Variants in ZNF718 observed in about 807,000 individuals in gnomAD.
ZNF718 encodes zinc finger protein 718.
ZNF718 carries 3 observed loss-of-function variants against 2.6 expected under a neutral mutation model. The ratio of observed to expected loss-of-function variants is 1.16; its 90% CI spans 0.53 to 3.01. The LOEUF is 3.01. Among genes scored for constraint, ZNF718 ranks in the 30% most tolerant of loss-of-function variants. ZNF718 has a pLI of 0.03. For synonymous variants in ZNF718, 135 were observed against 77.9 expected (o/e 1.73, Z -3.86); for missense variants, 468 against 230.0 (o/e 2.03, Z -6.69).
chr4:141,256 T>A (rs1362184137), intron 3 of ZNF718, among the ~76,000 whole-genome samples: 1 of 152,224 alleles, frequency 6.6e-6, no homozygotes, highest in African/African-American at 2.4e-5. Context: ...TTAAAAAGGT[T>A]ATTCATAAAA....
intron 3 of ZNF718, among the ~76,000 whole-genome samples, chr4:160,209 T>C (rs1716762669): frequency 6.6e-6 from 1 of 152,176 alleles, no homozygotes; most frequent in Non-Finnish European, 1.5e-5. Context: ...TAGGAATGCG[T>C]GTGTCACTAT....
chr4:198,152 G>C (rs149665124), intron 3 of ZNF718, among the ~76,000 whole-genome samples: 16 of 152,254 alleles, frequency 1.1e-4, no homozygotes, highest in African/African-American at 3.9e-4. Flanking sequence ...ACCTGAGGCT[G>C]ATCATGGCTC....
rs1277406021 is a variant in ZNF718, at chr4:169,777, T to C, written c.227-31304T>C. ...AGATGGGTTTCCTGAATGCAGCACA[T>C]TGATGGGTCTTGACTCTTTATCCAA... On this transcript the variant is annotated intron_variant and NMD_transcript_variant, in intron 3 of 4. Transcript: ENST00000642529. Among the ~76,000 whole-genome samples the C allele has an allele frequency of 3.3e-5, 5 of 152,310 alleles. No individual in the cohort carries two copies. The South Asian group carries it at 6.2e-4, about 19-fold the overall frequency.
At chr4:181,086 A>G (rs972592660) in intron 3 of ZNF718, among the ~76,000 whole-genome samples, 2 of 148,880 alleles carry the variant, frequency 1.3e-5, no homozygotes, top group Non-Finnish European at 1.5e-5. Flanking sequence ...CAGTGGCACA[A>G]TTGTGGCACA....
chr4:150,558 T>C (rs1444946006), intron 3 of ZNF718, among the ~76,000 whole-genome samples: 1 of 152,196 alleles, frequency 6.6e-6, no homozygotes, highest in African/African-American at 2.4e-5. Context: ...TCCAGGTTCA[T>C]CCGTGTCCTT....
chr4:141,308 T>C lies in ZNF718; in HGVS notation c.226+9803T>C, dbSNP rs533324228. ...CATTAGGCAAAAAATGTGGGAAAAG[T>C]TTAAATCATAAAATATTTTTTAAAC... On this transcript the variant is annotated intron_variant, in intron 3 of 3. Transcript: ENST00000510175. Among the ~76,000 whole-genome samples the C allele has an allele frequency of 7.9e-5, 12 of 152,276 alleles. No homozygotes were observed. In the South Asian group the frequency reaches 2.3e-3, roughly 29 times the overall value.
chr4:126,700 T>A (rs1363612269), intron 1 of ZNF718, among the ~76,000 whole-genome samples: 1 of 152,250 alleles, frequency 6.6e-6, no homozygotes, highest in Non-Finnish European at 1.5e-5. Flanking sequence ...TGACTTTTTT[T>A]CTGTGTTTGC....
chr4:189,502 T>G (rs1553820854), intron 3 of ZNF718, among the ~76,000 whole-genome samples: 1 of 152,194 alleles, frequency 6.6e-6, no homozygotes, highest in East Asian at 1.9e-4. Flanking sequence ...TTTTGTGACA[T>G]TAATAAACTT....
At chr4:169,596 C>T (rs202004023) in intron 3 of ZNF718, among the ~76,000 whole-genome samples, 1 of 152,106 alleles carries the variant, frequency 6.6e-6, no homozygotes. Context: ...ATCCCTTTAC[C>T]ATTATGTAAT....
chr4:182,058 C>A (rs1717476092), intron 3 of ZNF718, among the ~76,000 whole-genome samples: 1 of 152,058 alleles, frequency 6.6e-6, no homozygotes, highest in African/African-American at 2.4e-5. Context: ...CTTTATCTAG[C>A]CTGTCATTGA....
chr4:131,963 T>A lies in ZNF718; in HGVS notation c.226+458T>A, dbSNP rs1254887599. 8.6e-4 allele frequency among the ~76,000 whole-genome samples: 85 copies of A among 99,226 alleles called. 26 individuals carry two copies. The highest frequency in any genetic ancestry group is 2.8e-3 in the African/African-American group (80 of 28,338). The allele number at this position is 99,226 out of a possible 152,430, so 65.1% of individuals were successfully genotyped here. On this transcript the variant is annotated intron_variant, in intron 3 of 3. Transcript: ENST00000510175. ...AGGAGGCTGAGGCAGGAGAATGGCGTGAACCCAGGAGTCGGAGCTTGCAGT... is the reference window on the plus strand; with the variant it reads ...AGGAGGCTGAGGCAGGAGAATGGCGAGAACCCAGGAGTCGGAGCTTGCAGT...
At chr4:151,853 C>T (rs1429392036) in intron 3 of ZNF718, among the ~76,000 whole-genome samples, 2 of 150,432 alleles carry the variant, frequency 1.3e-5, no homozygotes, top group Admixed American at 1.3e-4. Flanking sequence ...AATAAGGGGA[C>T]CCGGGGAACC....
chr4:162,211 T>A lies in ZNF718; in HGVS notation c.*89T>A, dbSNP rs548769031. On this transcript the variant is annotated 3_prime_UTR_variant, in exon 4 of 4. Coordinates refer to ENST00000510175, the MANE Select transcript of ZNF718 (RefSeq NM_001039127.6). ...GAGAGAAACTCTACACATGAAAAAA[T>A]TGACAAAGCTTTTAACCGCAACTCA... 31 of 584,208 alleles carry A rather than the reference T, an allele frequency of 5.3e-5. 1 individual carries two copies. The highest frequency in any genetic ancestry group is 1.2e-5 in the Non-Finnish European group (4 of 320,744). 36.2% of individuals were successfully genotyped at this position (584,208 alleles called of 1,614,324 possible).
chr4:153,494 T>C (rs1482034571), intron 3 of ZNF718, among the ~76,000 whole-genome samples: 1 of 152,200 alleles, frequency 6.6e-6, no homozygotes, highest in African/African-American at 2.4e-5. Flanking sequence ...AATCTGTAGA[T>C]CACCTTGGGT....
At chr4:168,033 C>G (rs1184112105), downstream of ZNF718, among the ~76,000 whole-genome samples, 1 of 152,080 alleles carries the variant, frequency 6.6e-6, no homozygotes, top group Non-Finnish European at 1.5e-5. Flanking sequence ...CCATCAATAC[C>G]TAATTTATTG....
chr4:168,904 G>A (rs542150994), downstream of ZNF718, among the ~76,000 whole-genome samples: 1 of 152,222 alleles, frequency 6.6e-6, no homozygotes, highest in African/African-American at 2.4e-5. Flanking sequence ...GCTTTTGAAT[G>A]TGTTTGCTCT....
At chr4:158,000 T>A (rs189267052) in intron 3 of ZNF718, among the ~76,000 whole-genome samples, 2 of 152,298 alleles carry the variant, frequency 1.3e-5, no homozygotes, top group East Asian at 3.9e-4. Context: ...GCTTTATATA[T>A]TTGAAACCCT....
chr4:190,429 C>CAAAAAAAA (rs368848803), intron 3 of ZNF718, among the ~76,000 whole-genome samples: 1 of 49,138 alleles, frequency 2.0e-5, no homozygotes. Flanking sequence ...AACTCCATCT[C>CAAAAAAAA]AAAAAAAAAA....
At chr4:178,141 AT>A (rs5855670) in intron 3 of ZNF718, among the ~76,000 whole-genome samples, 4,191 of 143,020 alleles carry the variant, frequency 0.029, 96 homozygotes, top group Middle Eastern at 0.076. Context: ...TGATAATTTC[AT>A]TTTTTTTTTT....
Sources: allele counts gnomAD v4.1 joint callset (sites outside exome capture counted in the v4.1 genomes callset), GRCh38; gene constraint gnomAD v4.1.1; transcripts MANE v1.5; gene names NCBI Gene and HGNC (gene_info 2026-07-23, HGNC 2026-07-21).